Variants in PTPRA observed in about 807,000 individuals in gnomAD.
The protein encoded by PTPRA is protein tyrosine phosphatase receptor type A.
In PTPRA, 25 loss-of-function variants were observed where a neutral mutation model predicts 104.8. The ratio of observed to expected loss-of-function variants is 0.24; its 90% CI spans 0.17 to 0.33. PTPRA has a LOEUF of 0.33. Among genes scored for constraint, PTPRA ranks in the 10% least tolerant of loss-of-function variants. The probability of loss-of-function intolerance (pLI) is 1.00; values close to 1 mark genes in which losing one functional copy is unlikely to be tolerated. For missense variants in PTPRA, 765 were observed against 1,015.3 expected, an observed-to-expected ratio of 0.75 and a Z score of 3.35; for synonymous variants, 323 against 368.9, an observed-to-expected ratio of 0.88 and a Z score of 1.43.
chr20:2,876,034 A>T (rs1307375243), intron 1 of PTPRA, among the ~76,000 whole-genome samples: 1 of 152,194 alleles, frequency 6.6e-6, no homozygotes, highest in African/African-American at 2.4e-5. Flanking sequence ...GGTAAGGACA[A>T]TGGAGAGCTA....
intron 11 of PTPRA, among the ~76,000 whole-genome samples, chr20:3,008,662 C>T (rs750978654): frequency 4.3e-5 from 6 of 140,814 alleles, no homozygotes; most frequent in East Asian, 2.4e-4. Context: ...GAGGCCAAGG[C>T]GGTGGATCAC....
chr20:2,968,878 G>T (rs73606191), intron 5 of PTPRA, among the ~76,000 whole-genome samples: 23 of 151,790 alleles, frequency 1.5e-4, no homozygotes, highest in African/African-American at 5.3e-4. Flanking sequence ...TCGCACCACC[G>T]TACTCCAGTC....
chr20:3,007,006 AATAC>A (rs1180978232), intron 10 of PTPRA, among the ~76,000 whole-genome samples: 2 of 152,120 alleles, frequency 1.3e-5, no homozygotes, highest in East Asian at 1.9e-4. Context: ...GTGTATATAT[AATAC>A]ATATTTTTTA....
upstream of PTPRA, among the ~76,000 whole-genome samples, chr20:2,872,028 C>T (rs1377717139): frequency 6.6e-6 from 1 of 152,212 alleles, no homozygotes; most frequent in Non-Finnish European, 1.5e-5. The surrounding 1 kb of genome is among the most constrained non-coding windows in gnomAD (Gnocchi z 7.9). Flanking sequence ...TAACTTATTC[C>T]ACAATACGGA....
intron 2 of PTPRA, among the ~76,000 whole-genome samples, chr20:2,927,810 GA>G (rs2060359051): frequency 6.6e-6 from 1 of 152,144 alleles, no homozygotes; most frequent in Non-Finnish European, 1.5e-5. Context: ...AGGAGTTCAA[GA>G]CCAGCCTGGC....
chr20:2,952,211 T>C (rs1292557261), intron 3 of PTPRA, among the ~76,000 whole-genome samples: 1 of 152,166 alleles, frequency 6.6e-6, no homozygotes, highest in East Asian at 1.9e-4. Flanking sequence ...TACTGATTGC[T>C]CCATATCCTT....
chr20:3,025,687 C>T (rs1220899638), intron 17 of PTPRA, among the ~76,000 whole-genome samples: 6 of 150,532 alleles, frequency 4.0e-5, no homozygotes, highest in Non-Finnish European at 5.9e-5. Context: ...CTGACCAACA[C>T]GGAGAAACTC....
rs1431978144 is a variant in PTPRA at position 3,004,192 on chromosome 20, C to CT, written c.739-859dup. ...ACCACCATACCCAGCTAATTGTTGT[C>CT]TTTTTAGTAGAGACAGGGTTTCGCC... On this transcript the variant is annotated intron_variant, in intron 9 of 23. Transcript: ENST00000399903. Among the ~76,000 whole-genome samples, 91 of 152,082 alleles carry CT rather than the reference C, an allele frequency of 6.0e-4. 1 individual carries two copies. The East Asian group carries it at 0.016, about 27-fold the overall frequency.
chr20:3,019,427 A>T (rs1050469329), intron 13 of PTPRA, among the ~76,000 whole-genome samples: 1 of 145,942 alleles, frequency 6.9e-6, no homozygotes, highest in Non-Finnish European at 1.5e-5. Context: ...GGGTCTCCTC[A>T]CTTCTCAGAC....
intron 19 of PTPRA, among the ~76,000 whole-genome samples, chr20:3,027,423 G>A (rs1271024886): frequency 6.6e-6 from 1 of 152,224 alleles, no homozygotes; most frequent in African/African-American, 2.4e-5. Context: ...ATACCTGGAA[G>A]AAAAAGTTCA....
At chr20:2,948,712 G>A (rs1244304517) in intron 3 of PTPRA, among the ~76,000 whole-genome samples, 1 of 151,780 alleles carries the variant, frequency 6.6e-6, no homozygotes, top group Non-Finnish European at 1.5e-5. Flanking sequence ...AGCACTTTGG[G>A]AGGCCAAGGT....
At chr20:2,865,177 G>C in the PTPRA span, 1 of 1,614,154 alleles carries the variant, frequency 6.2e-7, no homozygotes, top group Non-Finnish European at 8.5e-7. This position sits in a 1 kb window ranked among gnomAD's most constrained non-coding sequence, Gnocchi z 5.2. Context: ...GGCTCCTACG[G>C]CTGCAGCGGC....
At chr20:2,957,928 C>T (rs2061596721) in intron 3 of PTPRA, among the ~76,000 whole-genome samples, 1 of 151,834 alleles carries the variant, frequency 6.6e-6, no homozygotes, top group African/African-American at 2.4e-5. Context: ...TGTAGTGATA[C>T]AACCCTTATG....
intron 1 of PTPRA, among the ~76,000 whole-genome samples, chr20:2,899,359 A>C (rs916614662): frequency 1.3e-5 from 2 of 152,256 alleles, no homozygotes; most frequent in Non-Finnish European, 2.9e-5. Flanking sequence ...TTCTTCTGAA[A>C]CAGCAGGCGC....
At chr20:2,961,827 A>G (rs376939976) in intron 3 of PTPRA, among the ~76,000 whole-genome samples, 2 of 152,200 alleles carry the variant, frequency 1.3e-5, no homozygotes, top group Non-Finnish European at 2.9e-5. Flanking sequence ...ATTTTTCTAT[A>G]TGTAGCTGTC....
Position 2,891,120 on chromosome 20 carries a change from G to T in PTPRA, c.-129+17360G>T, listed in dbSNP as rs190335621. 5.9e-5 allele frequency among the ~76,000 whole-genome samples: 9 copies of T among 152,280 alleles called. No individual in the cohort carries two copies. The East Asian group carries it at 1.5e-3, about 26-fold the overall frequency. On this transcript the variant is annotated intron_variant, in intron 1 of 23. Coordinates refer to ENST00000399903, the MANE Select transcript of PTPRA (RefSeq NM_001385305.1). ...ATGTTGTTCATCTGGTTGGTGATCT[G>T]TTCCTAACTGTTTTACATCTGTAAC...
intron 1 of PTPRA, among the ~76,000 whole-genome samples, chr20:2,886,716 C>T (rs1361401357): frequency 6.7e-6 from 1 of 150,062 alleles, no homozygotes; most frequent in Non-Finnish European, 1.5e-5. Context: ...ATTAGCCTGG[C>T]ATGGTGGTGC....
At chr20:3,005,956 C>T (rs73583853) in intron 10 of PTPRA, among the ~76,000 whole-genome samples, 8,307 of 151,938 alleles carry the variant, frequency 0.055, 723 homozygotes, top group African/African-American at 0.19. Flanking sequence ...GATGTTTGAA[C>T]CTCACTTGAT....
chr20:2,978,444 A>G (rs2062534463), intron 6 of PTPRA, among the ~76,000 whole-genome samples: 1 of 152,168 alleles, frequency 6.6e-6, no homozygotes. Context: ...CAATAGGTAA[A>G]TGGGCCATAG....
Sources: allele counts gnomAD v4.1 joint callset (sites outside exome capture counted in the v4.1 genomes callset), GRCh38; gene constraint gnomAD v4.1.1; non-coding constraint Gnocchi (gnomAD v3.1); transcripts MANE v1.5; gene names NCBI Gene and HGNC (gene_info 2026-07-23, HGNC 2026-07-21).